HS2ST1: variants seen among roughly 807,000 people sequenced by gnomAD.
HS2ST1 encodes 2-O-sulfotransferase.
HS2ST1 carries 18 observed loss-of-function variants against 42.9 expected under a neutral mutation model. That is an observed-to-expected ratio of 0.42 (90% CI 0.29 to 0.62). The LOEUF (loss-of-function observed/expected upper bound fraction) is 0.62. Among genes scored for constraint, HS2ST1 ranks in the 20% least tolerant of loss-of-function variants. The pLI is 0.21. For missense variants in HS2ST1, 334 were observed against 433.8 expected, an observed-to-expected ratio of 0.77 and a Z score of 2.04; for synonymous variants, 146 against 152.9, an observed-to-expected ratio of 0.95 and a Z score of 0.33.
intron 1 of HS2ST1, among the ~76,000 whole-genome samples, chr1:86,931,806 A>G (rs1407960991): frequency 1.3e-5 from 2 of 152,104 alleles, no homozygotes; most frequent in Non-Finnish European, 2.9e-5. Context: ...AAAATGCTTA[A>G]TACCAGTAAT....
Position 86,917,946 on chromosome 1 carries a change from T to A in HS2ST1, c.124+2786T>A, listed in dbSNP as rs368916773. ...TTACTATAGGAAAGAAAAATCTAGC[T>A]GTTTTCCATACGTGCAAAATCACAA... On this transcript the variant is annotated intron_variant, in intron 1 of 6. Transcript: ENST00000370550. Among the ~76,000 whole-genome samples, 3 of 152,378 alleles carry A rather than the reference T, an allele frequency of 2.0e-5. No individual in the cohort carries two copies. In the East Asian group the frequency reaches 5.8e-4, roughly 29 times the overall value.
chr1:87,101,366 A>T (rs1474490235), intron 5 of HS2ST1, among the ~76,000 whole-genome samples: 1 of 151,232 alleles, frequency 6.6e-6, no homozygotes, highest in South Asian at 2.1e-4. Context: ...GGGTTTCGCT[A>T]TGTTGGCCAG....
Position 87,103,532 on chromosome 1 carries a change from T to C in HS2ST1, c.787T>C (p.Leu263=). 1.2e-6 allele frequency: 2 copies of C among 1,612,582 alleles called. No homozygotes were observed. Among genetic ancestry groups the C allele is most frequent in the Non-Finnish European group, 1.7e-6 (2 of 1,179,334 alleles). The part of the protein sequence containing the change: ...VTEELEDFIM[L]LEAALPRFFR... ...TGAAGAACTTGAAGATTTTATCATGTTATTGGAGGCAGCATTGCCCCGGTT... is the reference window on the plus strand; with the variant it reads ...TGAAGAACTTGAAGATTTTATCATGCTATTGGAGGCAGCATTGCCCCGGTT... The change falls in exon 6 of 7, where the codon TTA becomes CTA. Residue 263 remains leucine (L), a synonymous_variant. Transcript: ENST00000370550.
intron 1 of HS2ST1, chr1:87,046,048 A>G: frequency 3.0e-6 from 2 of 666,494 alleles, no homozygotes; most frequent in South Asian, 2.7e-5. Flanking sequence ...CTGAAAGCTA[A>G]TATGGTTGCC....
intron 1 of HS2ST1, among the ~76,000 whole-genome samples, chr1:87,051,495 T>C (rs957024033): frequency 2.6e-5 from 4 of 152,216 alleles, no homozygotes; most frequent in Admixed American, 6.5e-5. Flanking sequence ...GATCAACAAA[T>C]TATTTTAAAG....
At chr1:86,917,078 A>G (rs1168891075) in intron 1 of HS2ST1, among the ~76,000 whole-genome samples, 4 of 152,208 alleles carry the variant, frequency 2.6e-5, no homozygotes, top group Non-Finnish European at 4.4e-5. Context: ...ATATGCATCA[A>G]AATCCTCCTG....
chr1:87,035,918 A>C lies in HS2ST1; in HGVS notation c.125-37016A>C, dbSNP rs139521658. Among the ~76,000 whole-genome samples, 697 of 151,852 alleles carry C rather than the reference A, an allele frequency of 4.6e-3. 4 individuals are homozygous for C. The highest frequency in any genetic ancestry group is 0.02 in the Middle Eastern group (6 of 294). ...TACACGTGCCATGGTGGTTTGCTGC[A>C]TCCATCAACCCATCATCTACAATAG... On this transcript the variant is annotated intron_variant, in intron 1 of 6. Coordinates refer to ENST00000370550, the MANE Select transcript of HS2ST1 (RefSeq NM_012262.4).
chr1:86,983,567 A>G (rs1192037098), intron 1 of HS2ST1, among the ~76,000 whole-genome samples: 4 of 151,968 alleles, frequency 2.6e-5, no homozygotes, highest in Non-Finnish European at 5.9e-5. Context: ...TTGGGTGGGG[A>G]CACAAAGCCA....
chr1:87,062,193 C>T (rs899766018), intron 1 of HS2ST1, among the ~76,000 whole-genome samples: 2 of 151,990 alleles, frequency 1.3e-5, no homozygotes, highest in African/African-American at 2.4e-5. Context: ...CATTTTCATT[C>T]ATGTCAATGT....
chr1:87,016,425 T>C (rs1464143975), intron 1 of HS2ST1, among the ~76,000 whole-genome samples: 1 of 152,204 alleles, frequency 6.6e-6, no homozygotes, highest in Non-Finnish European at 1.5e-5. Flanking sequence ...AATTAATTAA[T>C]TCTTTACCCT....
chr1:86,921,103 A>C (rs1216142465), intron 1 of HS2ST1, among the ~76,000 whole-genome samples: 1 of 152,186 alleles, frequency 6.6e-6, no homozygotes, highest in Non-Finnish European at 1.5e-5. Flanking sequence ...AAAAAAAACT[A>C]TCTTGGTAAA....
chr1:87,098,108 C>A (rs1652113899), intron 5 of HS2ST1, 173 bp downstream of exon 5: 4 of 1,386,514 alleles, frequency 2.9e-6, no homozygotes. Flanking sequence ...TTAAAAGATT[C>A]CTCATGTAGA....
intron 1 of HS2ST1, among the ~76,000 whole-genome samples, chr1:87,027,592 GA>G: frequency 6.6e-6 from 1 of 152,340 alleles, no homozygotes; most frequent in East Asian, 1.9e-4. Context: ...CAGTCCACAT[GA>G]GTAAGGTTTG....
rs996069568 is a variant in HS2ST1, at chr1:87,107,221, T to C, written c.*2525T>C. 6.6e-6 allele frequency: 1 copy of C among 152,102 alleles called. No homozygotes were observed. Among genetic ancestry groups the C allele is most frequent in the Non-Finnish European group, 1.5e-5 (1 of 67,948 alleles). 9.4% of individuals were successfully genotyped at this position (152,102 alleles called of 1,614,324 possible). On this transcript the variant is annotated 3_prime_UTR_variant, in exon 7 of 7. Coordinates refer to ENST00000370550, the MANE Select transcript of HS2ST1 (RefSeq NM_012262.4). Reference sequence around the variant, plus strand: ...TATACTTCTAAAAGCTCCTAACTTATATCCAAAGAATTGCTTTCTGATTCG... The same window carrying C: ...TATACTTCTAAAAGCTCCTAACTTACATCCAAAGAATTGCTTTCTGATTCG...
chr1:87,025,319 T>C (rs6663088), intron 1 of HS2ST1, among the ~76,000 whole-genome samples: 129,064 of 152,166 alleles, frequency 0.85, 55,831 homozygotes, highest in East Asian at 0.99. Flanking sequence ...AAGGGCAAAG[T>C]ATTGTTGCTT....
intron 1 of HS2ST1, among the ~76,000 whole-genome samples, chr1:86,978,979 A>G (rs1648503935): frequency 7.0e-6 from 1 of 143,090 alleles, no homozygotes; most frequent in African/African-American, 2.6e-5. Flanking sequence ...CTCCCACCTC[A>G]GCACCCCAAG....
intron 1 of HS2ST1, among the ~76,000 whole-genome samples, chr1:86,970,198 G>C (rs1648189754): frequency 6.6e-6 from 1 of 150,664 alleles, no homozygotes; most frequent in African/African-American, 2.4e-5. Flanking sequence ...ATTTTATTTT[G>C]TTTTGGTTAT....
At chr1:86,996,442 CAAAAAAAA>C (rs67401349) in intron 1 of HS2ST1, among the ~76,000 whole-genome samples, 134 of 112,880 alleles carry the variant, frequency 1.2e-3, no homozygotes, top group Non-Finnish European at 2.1e-3. Flanking sequence ...AACTCTGTCT[CAAAAAAAA>C]AAAAAAAAAA....
At chr1:86,983,134 T>C (rs1648646927) in intron 1 of HS2ST1, among the ~76,000 whole-genome samples, 1 of 152,190 alleles carries the variant, frequency 6.6e-6, no homozygotes, top group Non-Finnish European at 1.5e-5. Context: ...TCCCGGCCTC[T>C]GTCTGTTACC....
Sources: allele counts gnomAD v4.1 joint callset (sites outside exome capture counted in the v4.1 genomes callset), GRCh38; gene constraint gnomAD v4.1.1; transcripts MANE v1.5; gene names NCBI Gene and HGNC (gene_info 2026-07-23, HGNC 2026-07-21).